The following CDKAL1 variants were observed in gnomAD, a reference collection of about 807,000 sequenced individuals.
The protein encoded by CDKAL1 is CDKAL1 threonylcarbamoyladenosine tRNA methylthiotransferase, also known as threonylcarbamoyladenosine tRNA methylthiotransferase.
Under a neutral mutation model 68.2 loss-of-function variants are expected in CDKAL1, and 32 were observed. That is an observed-to-expected ratio of 0.47 (90% CI 0.35 to 0.63). The LOEUF (loss-of-function observed/expected upper bound fraction) is 0.63, where lower values mean the gene tolerates loss of function less well. Ranked by LOEUF, CDKAL1 falls within the 30% of genes least tolerant of loss-of-function variation. CDKAL1 has a pLI of 0.00. For synonymous variants in CDKAL1, 234 were observed against 244.3 expected, an observed-to-expected ratio of 0.96 and a Z score of 0.39; for missense variants, 606 against 696.7, an observed-to-expected ratio of 0.87 and a Z score of 1.47.
At chr6:20,610,961 C>T in intron 4 of CDKAL1, among the ~76,000 whole-genome samples, 1 of 152,146 alleles carries the variant, frequency 6.6e-6, no homozygotes, top group Non-Finnish European at 1.5e-5. Context: ...AGGTGCACAC[C>T]ACCACGCCTG....
rs1483081425 is a variant in CDKAL1, at chr6:21,003,367, T to TACACACACACACACACACACAC, written c.1055+2996_1055+2997insCACACACACACACACACACACA. Among the ~76,000 whole-genome samples, 200 of 65,592 alleles carry TACACACACACACACACACACAC rather than the reference T, an allele frequency of 3.0e-3. 3 individuals carry two copies. Among genetic ancestry groups the TACACACACACACACACACACAC allele is most frequent in the African/African-American group, 0.016 (187 of 11,388 alleles). The allele number at this position is 65,592 out of a possible 152,430, so 43.0% of individuals were successfully genotyped here. ...AAATATATATATATATATATATATA[T>TACACACACACACACACACACAC]ATATACACACACACACACACACATA... On this transcript the variant is annotated intron_variant, in intron 11 of 15. Transcript: ENST00000274695.
chr6:20,859,079 CTTT>C (rs1170848040), intron 9 of CDKAL1, among the ~76,000 whole-genome samples: 3 of 151,624 alleles, frequency 2.0e-5, no homozygotes, highest in Non-Finnish European at 4.4e-5. Context: ...TAATGAGTCA[CTTT>C]TTGTTACTTG....
At chr6:21,029,681 A>G (rs968541259) in intron 11 of CDKAL1, among the ~76,000 whole-genome samples, 12 of 152,240 alleles carry the variant, frequency 7.9e-5, no homozygotes, top group African/African-American at 2.9e-4. Flanking sequence ...ATGAGCAGAC[A>G]CTTCTCAAAA....
chr6:20,616,839 C>CCCCACACACACACA (rs1554164140), intron 4 of CDKAL1, among the ~76,000 whole-genome samples: 9 of 121,312 alleles, frequency 7.4e-5, no homozygotes, highest in African/African-American at 2.6e-4. Flanking sequence ...CCCGACTCTA[C>CCCCACACACACACA]CACACACACA....
intron 9 of CDKAL1, among the ~76,000 whole-genome samples, chr6:20,924,390 A>G (rs1225978954): frequency 6.6e-6 from 1 of 151,502 alleles, no homozygotes; most frequent in Non-Finnish European, 1.5e-5. Flanking sequence ...CTTAGTAAGG[A>G]AGGCATGTCA....
chr6:20,729,852 G>A (rs779923758), intron 5 of CDKAL1, among the ~76,000 whole-genome samples: 18 of 152,110 alleles, frequency 1.2e-4, no homozygotes, highest in Non-Finnish European at 2.4e-4. Flanking sequence ...GCTACTCCTC[G>A]TGGTTGTACT....
chr6:20,600,407 CT>C (rs1328152145), intron 4 of CDKAL1, among the ~76,000 whole-genome samples: 4 of 151,932 alleles, frequency 2.6e-5, no homozygotes, highest in Admixed American at 6.6e-5. Context: ...CTTATTTTAC[CT>C]TTTTCCATTT....
At chr6:20,871,136 T>G (rs775788905) in intron 9 of CDKAL1, among the ~76,000 whole-genome samples, 12 of 152,184 alleles carry the variant, frequency 7.9e-5, no homozygotes, top group Non-Finnish European at 1.8e-4. Flanking sequence ...TGTGGATCCC[T>G]TCTCATGATG....
At chr6:21,042,971 C>T (rs996244794) in intron 11 of CDKAL1, among the ~76,000 whole-genome samples, 2 of 152,070 alleles carry the variant, frequency 1.3e-5, no homozygotes, top group Non-Finnish European at 2.9e-5. Context: ...AGTAATAGTA[C>T]CTACTTTATG....
chr6:20,770,935 G>A (rs1323212598), intron 7 of CDKAL1, among the ~76,000 whole-genome samples: 1 of 152,092 alleles, frequency 6.6e-6, no homozygotes, highest in African/African-American at 2.4e-5. Flanking sequence ...TTTTCCCTGG[G>A]AGAGTTGACC....
intron 5 of CDKAL1, among the ~76,000 whole-genome samples, chr6:20,683,670 C>G (rs1304761051): frequency 6.6e-6 from 1 of 152,166 alleles, no homozygotes; most frequent in Non-Finnish European, 1.5e-5. Context: ...CAGTATCCCC[C>G]ATCAGAATGG....
chr6:20,782,068 C>T (rs552521527), intron 8 of CDKAL1, among the ~76,000 whole-genome samples: 9 of 152,286 alleles, frequency 5.9e-5, no homozygotes, highest in Admixed American at 3.3e-4. Flanking sequence ...CATTGAGAAC[C>T]GGTGAACAGC....
chr6:21,108,845 C>T lies in CDKAL1; in HGVS notation c.1299+382C>T, dbSNP rs73383731. ...TGCAAAACTTGATTCTTCATTCCTC[C>T]TGATAGAAAGTTATTTTTCTAAATG... On this transcript the variant is annotated intron_variant, in intron 13 of 15. Coordinates refer to ENST00000274695, the MANE Select transcript of CDKAL1 (RefSeq NM_017774.3). Among the ~76,000 whole-genome samples, 1,464 of 152,132 alleles carry T rather than the reference C, an allele frequency of 9.6e-3. 19 individuals carry two copies. The highest frequency in any genetic ancestry group is 0.033 in the African/African-American group (1,361 of 41,502).
In CDKAL1 at chr6:20,907,895, G is replaced by A. The variant is rs116467106; in HGVS notation, c.743-47524G>A. 8.7e-3 allele frequency among the ~76,000 whole-genome samples: 1,326 copies of A among 152,310 alleles called. 28 individuals carry two copies. The highest frequency in any genetic ancestry group is 0.03 in the African/African-American group (1,254 of 41,552). On this transcript the variant is annotated intron_variant, in intron 9 of 15. Transcript: ENST00000274695. ...GGCACCATGCCACTGTTGGTCAATAGGGTCCACTGGGGCAGAAGAGCTGGA... is the reference window on the plus strand; with the variant it reads ...GGCACCATGCCACTGTTGGTCAATAAGGTCCACTGGGGCAGAAGAGCTGGA...
intron 10 of CDKAL1, among the ~76,000 whole-genome samples, chr6:20,979,146 G>A (rs182963433): frequency 1.3e-5 from 2 of 152,202 alleles, no homozygotes; most frequent in East Asian, 1.9e-4. Context: ...TTTCCCTAGC[G>A]GCATATACCA....
chr6:20,968,477 A>G (rs950335377), intron 10 of CDKAL1, among the ~76,000 whole-genome samples: 5 of 151,960 alleles, frequency 3.3e-5, no homozygotes, highest in African/African-American at 1.2e-4. Flanking sequence ...CTGTTTTTCA[A>G]ATTAGAGAGG....
intron 9 of CDKAL1, among the ~76,000 whole-genome samples, chr6:20,875,953 G>A (rs1256770195): frequency 1.3e-5 from 2 of 152,194 alleles, no homozygotes; most frequent in Non-Finnish European, 2.9e-5. Context: ...AATTGGGCTT[G>A]TTGAAAGAAT....
At chr6:21,125,533 A>G (rs1330481016) in intron 13 of CDKAL1, among the ~76,000 whole-genome samples, 1 of 152,184 alleles carries the variant, frequency 6.6e-6, no homozygotes, top group African/African-American at 2.4e-5. Context: ...TTAGCCGGGC[A>G]TGGTGGTGCT....
intron 4 of CDKAL1, among the ~76,000 whole-genome samples, chr6:20,560,593 G>A (rs903213451): frequency 1.3e-5 from 2 of 152,148 alleles, no homozygotes; most frequent in African/African-American, 4.8e-5. Flanking sequence ...TATGCAACTT[G>A]TATAGCTTAT....
Sources: allele counts gnomAD v4.1 joint callset (sites outside exome capture counted in the v4.1 genomes callset), GRCh38; gene constraint gnomAD v4.1.1; transcripts MANE v1.5; gene names NCBI Gene and HGNC (gene_info 2026-07-23, HGNC 2026-07-21).